The following MSMB variants were observed in gnomAD, a reference collection of about 807,000 sequenced individuals.
The protein encoded by MSMB is beta-microseminoprotein.
A neutral mutation model predicts 10.5 loss-of-function variants in MSMB; 10 were observed. The ratio of observed to expected loss-of-function variants is 0.95; its 90% CI spans 0.59 to 1.62. The LOEUF is 1.62. Ranked by LOEUF, MSMB falls within the 40% of genes most tolerant of loss-of-function variation. The pLI, the probability that MSMB is intolerant of heterozygous loss-of-function variation, is 0.00. For synonymous variants in MSMB, 43 were observed against 46.5 expected (o/e 0.93, Z 0.30); for missense variants, 126 against 137.4 (o/e 0.92, Z 0.42).
chr10:46,046,122 A>G (rs782219219), intron 1 of MSMB, 113 bp downstream of exon 1: 32 of 1,128,516 alleles, frequency 2.8e-5, no homozygotes, highest in Non-Finnish European at 3.9e-5. Flanking sequence ...AAGGTTCCTA[A>G]CTAGGTCACA....
At chr10:46,038,158 A>T (rs961881678) in intron 3 of MSMB, among the ~76,000 whole-genome samples, 2 of 152,182 alleles carry the variant, frequency 1.3e-5, no homozygotes, top group Admixed American at 1.3e-4. Context: ...ATAGAGCTTC[A>T]GTTTTGCAGG....
chr10:46,038,008 G>C (rs566754620), intron 3 of MSMB, among the ~76,000 whole-genome samples: 1 of 152,268 alleles, frequency 6.6e-6, no homozygotes, highest in East Asian at 1.9e-4. Context: ...TAAGTGAAAT[G>C]AGCCAGTCTC....
intron 1 of MSMB, among the ~76,000 whole-genome samples, chr10:46,042,701 C>G (rs1440168883): frequency 2.0e-5 from 3 of 152,134 alleles, no homozygotes; most frequent in African/African-American, 7.2e-5. Flanking sequence ...CAGAAAAACA[C>G]CTGGTGAGCC....
At chr10:46,038,146 G>T (rs879994525) in intron 3 of MSMB, among the ~76,000 whole-genome samples, 6 of 152,166 alleles carry the variant, frequency 3.9e-5, no homozygotes, top group Non-Finnish European at 8.8e-5. Flanking sequence ...TGCTTAATGG[G>T]TATAGAGCTT....
chr10:46,037,511 C>T (rs529847097), intron 3 of MSMB, among the ~76,000 whole-genome samples: 46 of 152,294 alleles, frequency 3.0e-4, no homozygotes, highest in Middle Eastern at 3.4e-3. Context: ...CTCTGTGTTC[C>T]GCCTGCTCAA....
intron 1 of MSMB, among the ~76,000 whole-genome samples, chr10:46,045,774 G>C (rs1318807974): frequency 6.6e-6 from 1 of 152,112 alleles, no homozygotes; most frequent in African/African-American, 2.4e-5. Flanking sequence ...AGCCAAGTTT[G>C]GGAGCCCCTG....
In MSMB at chr10:46,040,073, C is replaced by T. The variant is rs370848479; in HGVS notation, c.22G>A (p.Val8Ile). MNVLLGS[V>I]VIFATFVTLC... ...GTCACGAAGGTGGCAAAGATCACAA[C>T]GCTGCCCAGGAGAACATTCTGTAAT... The change falls in exon 2 of 4, where the codon GTT becomes ATT. Residue 8 changes from valine to isoleucine, a missense_variant. Coordinates refer to ENST00000582163, the MANE Select transcript of MSMB (RefSeq NM_002443.4). The T allele has an allele frequency of 1.7e-5, 27 of 1,613,702 alleles. 1 individual carries two copies. In the Middle Eastern group the frequency reaches 1.5e-3, roughly 89 times the overall value.
intron 1 of MSMB, 144 bp from the exon 2 acceptor site, chr10:46,040,235 G>A: frequency 2.0e-6 from 1 of 494,844 alleles, no homozygotes; most frequent in Non-Finnish European, 3.5e-6. Context: ...AGTTAATCTA[G>A]GCTGAAATTG....
At chr10:46,037,534 T>C (rs1840637573) in intron 3 of MSMB, among the ~76,000 whole-genome samples, 1 of 152,232 alleles carries the variant, frequency 6.6e-6, no homozygotes, top group Admixed American at 6.5e-5. Context: ...TCTAGACTTC[T>C]GGTGTCCATA....
At chr10:46,044,746 G>C (rs972874659) in intron 1 of MSMB, among the ~76,000 whole-genome samples, 3 of 151,860 alleles carry the variant, frequency 2.0e-5, no homozygotes, top group Non-Finnish European at 4.4e-5. Context: ...GGGCCCAAGA[G>C]TTAGAGACCA....
At chr10:46,043,967 G>C (rs550289738) in intron 1 of MSMB, among the ~76,000 whole-genome samples, 1 of 152,092 alleles carries the variant, frequency 6.6e-6, no homozygotes, top group East Asian at 2.0e-4. Context: ...GAGCCACCGC[G>C]CCCAACCAGA....
At chr10:46,036,853 G>A (rs1840619860) in intron 3 of MSMB, among the ~76,000 whole-genome samples, 1 of 152,214 alleles carries the variant, frequency 6.6e-6, no homozygotes, top group South Asian at 2.1e-4. Flanking sequence ...GCTCCTATGT[G>A]AGGGAGGGAC....
At chr10:46,042,025 A>T (rs1370854275) in intron 1 of MSMB, among the ~76,000 whole-genome samples, 6 of 152,180 alleles carry the variant, frequency 3.9e-5, no homozygotes, top group Non-Finnish European at 7.4e-5. Context: ...TTCCTATTTG[A>T]GTCCCCATTA....
Position 46,040,053 on chromosome 10 carries a change from G to C in MSMB, c.42C>G (p.Phe14Leu), listed in dbSNP as rs368488584. 3.1e-6 allele frequency: 5 copies of C among 1,613,944 alleles called. No homozygotes were observed. Among genetic ancestry groups the C allele is most frequent in the Admixed American group, 3.3e-5 (2 of 60,012 alleles). ...LLGSVVIFAT[F>L]VTLCNASCYF... Reference sequence around the variant, plus strand: ...AGCATGATGCATTGCATAAAGTCACGAAGGTGGCAAAGATCACAACGCTGC... The same window carrying C: ...AGCATGATGCATTGCATAAAGTCACCAAGGTGGCAAAGATCACAACGCTGC... The change falls in exon 2 of 4, where the codon TTC becomes TTG. Residue 14 changes from phenylalanine to leucine, a missense_variant. Physicochemically the swap from Phe to Leu is conservative, Grantham distance 22 (BLOSUM62 0). Coordinates refer to ENST00000582163, the MANE Select transcript of MSMB (RefSeq NM_002443.4).
At position 46,044,575 on chromosome 10, in the gene MSMB, G is replaced by GAAAAA. The variant is rs56061175; in HGVS notation, c.3+1655_3+1659dup. On this transcript the variant is annotated intron_variant, in intron 1 of 3. Transcript: ENST00000582163. The stretch of plus-strand genomic sequence containing the variant: ...TGGGCGACAGAGAGACTCCGTCTCA[G>GAAAAA]AAAAAAAAAAAAAAAAAAAAAAAAA... Among the ~76,000 whole-genome samples the GAAAAA allele has an allele frequency of 7.8e-4, 30 of 38,524 alleles. 5 individuals are homozygous for GAAAAA. Among genetic ancestry groups the GAAAAA allele is most frequent in the African/African-American group, 1.6e-3 (23 of 14,238 alleles). 25.3% of individuals were successfully genotyped at this position (38,524 alleles called of 152,430 possible).
At position 46,039,146 on chromosome 10, in the gene MSMB, C is replaced by A. The variant is rs552266666; in HGVS notation, c.110-75G>T. The A allele has an allele frequency of 7.1e-4, 875 of 1,236,608 alleles. 2 individuals are homozygous for A. Among genetic ancestry groups the A allele is most frequent in the Non-Finnish European group, 9.9e-4 (839 of 848,346 alleles). 76.6% of individuals were successfully genotyped at this position (1,236,608 alleles called of 1,614,324 possible). ...AGGCCTATCAGGACATTGAGTCCTGCCCCTACTATCTACACCCCTCCCAGA... is the reference window on the plus strand; with the variant it reads ...AGGCCTATCAGGACATTGAGTCCTGACCCTACTATCTACACCCCTCCCAGA... On this transcript the variant is annotated intron_variant, in intron 2 of 3. Transcript: ENST00000582163.
intron 1 of MSMB, among the ~76,000 whole-genome samples, chr10:46,040,440 C>A (rs1430498456): frequency 2.6e-5 from 4 of 152,192 alleles, no homozygotes; most frequent in African/African-American, 9.7e-5. Flanking sequence ...GTCGCCCATG[C>A]TGAAGTTCTC....
chr10:46,034,986 CAAAT>C (rs1253350232), intron 3 of MSMB, among the ~76,000 whole-genome samples: 1 of 151,618 alleles, frequency 6.6e-6, no homozygotes, highest in Non-Finnish European at 1.5e-5. Flanking sequence ...TTTTTTAATA[CAAAT>C]AAATAAATAA....
At chr10:46,037,054 C>T in intron 3 of MSMB, among the ~76,000 whole-genome samples, 1 of 152,352 alleles carries the variant, frequency 6.6e-6, no homozygotes, top group Middle Eastern at 3.4e-3. Context: ...TCCAATATTC[C>T]TCTGTTCCAT....
Sources: gnomAD v4.1 joint callset for allele counts (sites outside exome capture counted in the v4.1 genomes callset) on GRCh38, gnomAD v4.1.1 for gene constraint, MANE v1.5 for transcripts, NCBI Gene and HGNC (gene_info 2026-07-23, HGNC 2026-07-21) for gene names.